COL27A1: variants seen among roughly 807,000 people sequenced by gnomAD.
The protein encoded by COL27A1 is collagen alpha-1(XXVII) chain.
A neutral mutation model predicts 251.3 loss-of-function variants in COL27A1; 106 were observed. The ratio of observed to expected loss-of-function variants is 0.42; its 90% confidence interval spans 0.36 to 0.50. The LOEUF is 0.50. Among genes scored for constraint, COL27A1 ranks in the 20% least tolerant of loss-of-function variants. COL27A1 has a pLI of 0.00. For missense variants in COL27A1, 2,325 were observed against 2,522.8 expected (o/e 0.92, Z 1.68); for synonymous variants, 1,000 against 986.3 (o/e 1.01, Z -0.26).
At chr9:114,211,088 G>A (rs1267998257) in intron 12 of COL27A1, 62 bp downstream of exon 12, 5 of 1,532,650 alleles carry the variant, frequency 3.3e-6, no homozygotes, top group East Asian at 4.5e-5. Flanking sequence ...CCACGGCCAC[G>A]CTGCCCTGGC....
intron 37 of COL27A1, among the ~76,000 whole-genome samples, chr9:114,276,379 G>A (rs1333517869): frequency 2.0e-5 from 3 of 152,208 alleles, no homozygotes; most frequent in Non-Finnish European, 2.9e-5. Flanking sequence ...GCCAAGGCGG[G>A]TGGATCACTT....
intron 3 of COL27A1, among the ~76,000 whole-genome samples, chr9:114,170,779 C>T (rs1244766748): frequency 6.6e-6 from 1 of 152,236 alleles, no homozygotes; most frequent in Non-Finnish European, 1.5e-5. Context: ...GTGGAAAGAA[C>T]GAGGAACCCT....
At chr9:114,266,028 G>T (rs1447892682) in intron 32 of COL27A1, among the ~76,000 whole-genome samples, 3 of 152,202 alleles carry the variant, frequency 2.0e-5, no homozygotes, top group Admixed American at 6.5e-5. Flanking sequence ...TGGGGGGACA[G>T]TCCAGGAACC....
Position 114,199,925 on chromosome 9 carries a change from G to T in COL27A1, c.2124+3913G>T, listed in dbSNP as rs547509317. Among the ~76,000 whole-genome samples the T allele has an allele frequency of 3.9e-5, 6 of 152,280 alleles. No individual in the cohort carries two copies. In the South Asian group the frequency reaches 1.2e-3, roughly 32 times the overall value. ...CTGCCCCAGATAGACATGATGCATG[G>T]AACAAAACTGCTACTCAAATCAAAA... On this transcript the variant is annotated intron_variant, in intron 7 of 60. Transcript: ENST00000356083.
intron 2 of COL27A1, among the ~76,000 whole-genome samples, chr9:114,166,394 TCCAC>T (rs1248947713): frequency 3.4e-4 from 51 of 149,818 alleles, no homozygotes; most frequent in African/African-American, 1.1e-3. Flanking sequence ...CATCCATCCA[TCCAC>T]CCACCCACCT....
At chr9:114,219,718 G>A (rs1830947437) in intron 12 of COL27A1, 73 bp from the exon 13 acceptor site, 1 of 1,049,934 alleles carries the variant, frequency 9.5e-7, no homozygotes, top group Non-Finnish European at 1.5e-6. Context: ...CCCCCCTGGG[G>A]GTCTGGATCA....
At chr9:114,210,121 A>C (rs1830245447) in intron 11 of COL27A1, among the ~76,000 whole-genome samples, 1 of 152,224 alleles carries the variant, frequency 6.6e-6, no homozygotes, top group African/African-American at 2.4e-5. Context: ...CACCGGGCCC[A>C]CTTTATAATA....
intron 2 of COL27A1, among the ~76,000 whole-genome samples, chr9:114,163,142 G>T (rs188078762): frequency 1.2e-4 from 18 of 152,234 alleles, no homozygotes; most frequent in African/African-American, 4.1e-4. Context: ...GCTGAGGCAG[G>T]AGAATCGCTT....
At chr9:114,225,851 A>T (rs1167796823) in intron 14 of COL27A1, among the ~76,000 whole-genome samples, 1 of 152,166 alleles carries the variant, frequency 6.6e-6, no homozygotes, top group African/African-American at 2.4e-5. Flanking sequence ...GGACAAACTA[A>T]CATTTATTGA....
At chr9:114,218,951 GT>G (rs10710008) in intron 12 of COL27A1, among the ~76,000 whole-genome samples, 30,573 of 147,630 alleles carry the variant, frequency 0.21, 3,779 homozygotes, top group African/African-American at 0.34. Context: ...CATGTGCTTT[GT>G]TTTTTTTTTT....
In COL27A1 at chr9:114,168,502, G is replaced by A. The variant is rs113786411; in HGVS notation, c.947G>A (p.Gly316Asp). The A allele has an allele frequency of 8.5e-5, 137 of 1,613,760 alleles. No homozygotes were observed. In the African/African-American group the frequency reaches 1.1e-3, roughly 13 times the overall value. ...TNPHQHMAVG[G>D]PAQTPLLPAK... ...CCTCACCAGCATATGGCGGTGGGAG[G>A]CCCAGCCCAAACCCCGCTGCTACCT... Residue 316 changes from glycine (G) to aspartate (D), a missense_variant, in exon 3 of 61, where the codon GGC becomes GAC. Gly to Asp is a moderately conservative substitution (Grantham distance 94, BLOSUM62 -1). This residue lies in a region of COL27A1 where 1,183 missense variants were observed against 1,144.1 expected (regional missense o/e 1.03). Coordinates refer to ENST00000356083, the MANE Select transcript of COL27A1 (RefSeq NM_032888.4).
chr9:114,300,204 T>G (rs1395639491), intron 50 of COL27A1, 81 bp downstream of exon 50: 5 of 1,409,058 alleles, frequency 3.5e-6, no homozygotes, highest in Non-Finnish European at 5.0e-6. Flanking sequence ...CAACAAATAT[T>G]TATGGAGCAC....
At chr9:114,263,423 C>T (rs1834495900) in intron 28 of COL27A1, among the ~76,000 whole-genome samples, 1 of 152,088 alleles carries the variant, frequency 6.6e-6, no homozygotes, top group African/African-American at 2.4e-5. Flanking sequence ...ACACTCCTGT[C>T]CTCCCAACAC....
chr9:114,172,123 G>A (rs1298582703), intron 3 of COL27A1, among the ~76,000 whole-genome samples: 5 of 152,186 alleles, frequency 3.3e-5, no homozygotes, highest in African/African-American at 9.7e-5. Flanking sequence ...GGAGGAACCC[G>A]GAAGCTGGTA....
chr9:114,192,742 A>G (rs1441386431), intron 5 of COL27A1, among the ~76,000 whole-genome samples: 1 of 152,208 alleles, frequency 6.6e-6, no homozygotes, highest in African/African-American at 2.4e-5. Flanking sequence ...GAGTTGGTGC[A>G]CAGAGTGGGG....
chr9:114,269,361 C>T (rs904591727), intron 35 of COL27A1, 67 bp downstream of exon 35: 52 of 1,160,430 alleles, frequency 4.5e-5, no homozygotes, highest in Non-Finnish European at 6.1e-5. Flanking sequence ...GGGAAGAGAC[C>T]GGCTTTTCTC....
chr9:114,237,132 C>A, intron 18 of COL27A1, 98 bp downstream of exon 18: 1 of 1,214,666 alleles, frequency 8.2e-7, no homozygotes, highest in Non-Finnish European at 1.1e-6. Flanking sequence ...TTCATTTCCT[C>A]CTGCAGCAGA....
At chr9:114,220,951 C>A (rs1215344422) in intron 13 of COL27A1, among the ~76,000 whole-genome samples, 2 of 148,686 alleles carry the variant, frequency 1.3e-5, no homozygotes, top group African/African-American at 5.0e-5. Context: ...GCCAAGATCA[C>A]GCCACTACAC....
At chr9:114,306,801 T>C in intron 58 of COL27A1, 113 bp downstream of exon 58, 1 of 1,129,728 alleles carries the variant, frequency 8.9e-7, no homozygotes, top group Non-Finnish European at 1.2e-6. Context: ...GCAAGACAGA[T>C]ACACTGGCAG....
Sources: gnomAD v4.1 joint callset for allele counts (sites outside exome capture counted in the v4.1 genomes callset) on GRCh38, gnomAD v4.1.1 for gene constraint, gnomAD v4.1.1 regional missense constraint, MANE v1.5 for transcripts, NCBI Gene and HGNC (gene_info 2026-07-23, HGNC 2026-07-21) for gene names.